The following NCKAP5 variants were observed in gnomAD, a reference collection of about 807,000 sequenced individuals.
The protein encoded by NCKAP5 is nck-associated protein 5.
Under a neutral mutation model 167.0 loss-of-function variants are expected in NCKAP5, and 92 were observed. The observed-to-expected ratio is 0.55, with a 90% CI of 0.47 to 0.66. NCKAP5 has a LOEUF of 0.66. NCKAP5 is among the 30% of genes least tolerant of loss of function. NCKAP5 has a pLI of 0.00. For synonymous variants in NCKAP5, 891 were observed against 877.4 expected (o/e 1.02, Z -0.27); for missense variants, 2,378 against 2,315.0 (o/e 1.03, Z -0.56).
chr2:132,704,836 G>A (rs1688204676), intron 19 of NCKAP5, among the ~76,000 whole-genome samples: 1 of 152,124 alleles, frequency 6.6e-6, no homozygotes, highest in African/African-American at 2.4e-5. Flanking sequence ...ATTGAACATG[G>A]ATGTAGATAA....
intron 16 of NCKAP5, among the ~76,000 whole-genome samples, chr2:132,773,573 A>T (rs1391234221): frequency 6.6e-6 from 1 of 152,220 alleles, no homozygotes; most frequent in Non-Finnish European, 1.5e-5. Flanking sequence ...TCATATTGAC[A>T]AATACTTCTC....
At chr2:133,185,960 C>T (rs1318641169) in intron 5 of NCKAP5, among the ~76,000 whole-genome samples, 1 of 152,032 alleles carries the variant, frequency 6.6e-6, no homozygotes, top group Non-Finnish European at 1.5e-5. Flanking sequence ...ATTTCTTTCT[C>T]TTGCCTGATT....
intron 3 of NCKAP5, among the ~76,000 whole-genome samples, chr2:133,456,770 T>C (rs1336829365): frequency 1.3e-5 from 2 of 152,212 alleles, no homozygotes; most frequent in African/African-American, 2.4e-5. Flanking sequence ...TTAATTGGCC[T>C]TTCTTGTTTA....
At chr2:133,611,435 T>C in the NCKAP5 span, among the ~76,000 whole-genome samples, 1 of 152,230 alleles carries the variant, frequency 6.6e-6, no homozygotes, top group African/African-American at 2.4e-5. Flanking sequence ...CTTTCCTTTG[T>C]AATATCTACC....
intron 7 of NCKAP5, among the ~76,000 whole-genome samples, chr2:132,989,638 C>A (rs1297956778): frequency 1.3e-5 from 2 of 152,130 alleles, no homozygotes; most frequent in African/African-American, 4.8e-5. Flanking sequence ...GTTAATATAT[C>A]TCAGTTTACT....
intron 5 of NCKAP5, among the ~76,000 whole-genome samples, chr2:133,184,995 T>C (rs2084884591): frequency 6.6e-6 from 1 of 152,178 alleles, no homozygotes; most frequent in Admixed American, 6.6e-5. Context: ...TTTTATTTTG[T>C]TGCTTTTGCT....
chr2:133,498,687 G>C (rs1682200429), intron 3 of NCKAP5, among the ~76,000 whole-genome samples: 1 of 152,098 alleles, frequency 6.6e-6, no homozygotes, highest in Non-Finnish European at 1.5e-5. Context: ...GAGACGCGGA[G>C]GGAGAGAGGG....
At chr2:133,471,547 A>C (rs552009178) in intron 3 of NCKAP5, among the ~76,000 whole-genome samples, 1 of 152,240 alleles carries the variant, frequency 6.6e-6, no homozygotes, top group East Asian at 1.9e-4. Context: ...GGGGGGAAGC[A>C]AGCAGGCAGA....
At chr2:133,171,081 C>A (rs574917499) in intron 5 of NCKAP5, among the ~76,000 whole-genome samples, 7 of 152,116 alleles carry the variant, frequency 4.6e-5, no homozygotes, top group Admixed American at 4.6e-4. Context: ...TACTTTCTCA[C>A]GCTAGAATTC....
At chr2:133,201,586 AT>A (rs2085690575) in intron 5 of NCKAP5, among the ~76,000 whole-genome samples, 1 of 152,194 alleles carries the variant, frequency 6.6e-6, no homozygotes. Flanking sequence ...TTAAAAGAGA[AT>A]TTATTGTGGT....
At chr2:133,037,111 A>AGTT (rs2079063567) in intron 6 of NCKAP5, among the ~76,000 whole-genome samples, 1 of 152,052 alleles carries the variant, frequency 6.6e-6, no homozygotes, top group African/African-American at 2.4e-5. Context: ...CAAGAGCTCT[A>AGTT]TAATAAAAAC....
chr2:133,185,414 C>T (rs1373789563), intron 5 of NCKAP5, among the ~76,000 whole-genome samples: 1 of 151,950 alleles, frequency 6.6e-6, no homozygotes, highest in South Asian at 2.1e-4. Context: ...AGCTATGCTT[C>T]TTTTGCTCCA....
At chr2:133,426,162 T>C (rs1048343799) in intron 3 of NCKAP5, among the ~76,000 whole-genome samples, 1 of 151,720 alleles carries the variant, frequency 6.6e-6, no homozygotes, top group Non-Finnish European at 1.5e-5. Context: ...CCCAGCTACT[T>C]GGGAGGCTGA....
In NCKAP5 at chr2:133,414,628, C is replaced by T. The variant is rs190325608; in HGVS notation, c.69+102830G>A. 2.0e-4 allele frequency among the ~76,000 whole-genome samples: 30 copies of T among 152,260 alleles called. 1 individual carries two copies. In the South Asian group the frequency reaches 6.2e-3, roughly 32 times the overall value. On this transcript the variant is annotated intron_variant, in intron 3 of 19. Transcript: ENST00000409261. ...GATACTTTTTACAACCTTTAGTCTG[C>T]TCAATATATGGTCCAACCTCCTTAC... is the stretch of plus-strand genomic sequence containing the variant.
intron 6 of NCKAP5, among the ~76,000 whole-genome samples, chr2:133,063,354 T>C (rs939808525): frequency 6.6e-6 from 1 of 152,220 alleles, no homozygotes; most frequent in African/African-American, 2.4e-5. Flanking sequence ...GGGCACTCAA[T>C]TTATTATCTC....
chr2:132,725,086 C>T (rs1180367444), intron 19 of NCKAP5, among the ~76,000 whole-genome samples: 1 of 152,196 alleles, frequency 6.6e-6, no homozygotes, highest in Non-Finnish European at 1.5e-5. Flanking sequence ...TCTCTTGTAT[C>T]TGAAAGGAAG....
chr2:133,175,679 T>G (rs1443312458), intron 5 of NCKAP5, among the ~76,000 whole-genome samples: 1 of 152,226 alleles, frequency 6.6e-6, no homozygotes, highest in Non-Finnish European at 1.5e-5. Flanking sequence ...ATTATTTGAT[T>G]GAAGAATTAT....
intron 8 of NCKAP5, among the ~76,000 whole-genome samples, chr2:132,889,511 C>T (rs1454919269): frequency 6.6e-6 from 1 of 151,876 alleles, no homozygotes; most frequent in Non-Finnish European, 1.5e-5. Flanking sequence ...GTTAATTTCT[C>T]ACATTGAAAA....
In NCKAP5 at chr2:133,236,574, G is replaced by A. The variant is rs185682471; in HGVS notation, c.144-22795C>T. Among the ~76,000 whole-genome samples, 844 of 152,264 alleles carry A rather than the reference G, an allele frequency of 5.5e-3. 6 individuals are homozygous for A. The highest frequency in any genetic ancestry group is 0.019 in the African/African-American group (807 of 41,554). ...AGATACAGCATATTTCATAGATGAT[G>A]ATAGGAAAAATGAAATTTCATTTGA... On this transcript the variant is annotated intron_variant, in intron 4 of 19. Coordinates refer to ENST00000409261, the MANE Select transcript of NCKAP5 (RefSeq NM_207363.3).
Sources: allele counts gnomAD v4.1 joint callset (sites outside exome capture counted in the v4.1 genomes callset), GRCh38; gene constraint gnomAD v4.1.1; transcripts MANE v1.5; gene names NCBI Gene and HGNC (gene_info 2026-07-23, HGNC 2026-07-21).